The following MSH4 variants were observed in gnomAD, a reference collection of about 807,000 sequenced individuals.
The protein encoded by MSH4 is mutS homolog 4, also known as mutS protein homolog 4.
In MSH4, 106 loss-of-function variants were observed where a neutral mutation model predicts 113.7. That is an observed-to-expected ratio of 0.93 (90% CI 0.80 to 1.10). MSH4 has a LOEUF of 1.10. MSH4 is among the 50% of genes least tolerant of loss of function. The pLI is 0.00. For missense variants in MSH4, 1,061 were observed against 1,093.7 expected (o/e 0.97, Z 0.42); for synonymous variants, 368 against 380.2 (o/e 0.97, Z 0.37).
chr1:75,840,467 A>G (rs573655510), intron 7 of MSH4, among the ~76,000 whole-genome samples: 1 of 143,442 alleles, frequency 7.0e-6, no homozygotes, highest in South Asian at 2.3e-4. Flanking sequence ...GGAATTGAAC[A>G]ATGAGAACAC....
chr1:75,888,553 TATA>T (rs1358473355), intron 15 of MSH4, among the ~76,000 whole-genome samples: 8 of 152,024 alleles, frequency 5.3e-5, no homozygotes, highest in Non-Finnish European at 1.0e-4. Flanking sequence ...TATATCTTTT[TATA>T]ATGATTTTAT....
intron 7 of MSH4, among the ~76,000 whole-genome samples, chr1:75,846,609 T>A (rs1465771037): frequency 6.6e-6 from 1 of 152,248 alleles, no homozygotes; most frequent in Non-Finnish European, 1.5e-5. Flanking sequence ...CAGTTCCACC[T>A]GAGTCCTCAT....
intron 8 of MSH4, among the ~76,000 whole-genome samples, chr1:75,865,361 C>A (rs1295834586): frequency 6.6e-6 from 1 of 152,050 alleles, no homozygotes; most frequent in Non-Finnish European, 1.5e-5. Context: ...TTTACCTACT[C>A]TAATATCTTG....
intron 7 of MSH4, among the ~76,000 whole-genome samples, chr1:75,847,978 G>T (rs1651109335): frequency 6.6e-6 from 1 of 152,122 alleles, no homozygotes; most frequent in Non-Finnish European, 1.5e-5. Context: ...CATAGCAGAA[G>T]GGATGGTTAG....
chr1:75,855,187 G>A (rs1651289760), intron 8 of MSH4, among the ~76,000 whole-genome samples: 1 of 152,038 alleles, frequency 6.6e-6, no homozygotes, highest in Non-Finnish European at 1.5e-5. Context: ...ACAGGCATGC[G>A]CTACCACACC....
chr1:75,874,984 C>T (rs1444623066), intron 9 of MSH4, among the ~76,000 whole-genome samples: 1 of 152,124 alleles, frequency 6.6e-6, no homozygotes, highest in Non-Finnish European at 1.5e-5. Context: ...CGTTTGCCTC[C>T]CAGGCTCAAG....
chr1:75,866,816 A>C (rs1490043504), intron 8 of MSH4, among the ~76,000 whole-genome samples: 3 of 151,516 alleles, frequency 2.0e-5, no homozygotes, highest in African/African-American at 7.3e-5. Context: ...CCCCATCTCT[A>C]TTAAAAAAAA....
At chr1:75,889,428 T>C (rs1652201836) in intron 16 of MSH4, 59 bp downstream of exon 16, 1 of 707,964 alleles carries the variant, frequency 1.4e-6, no homozygotes, top group East Asian at 2.9e-5. Flanking sequence ...TAATGGCCAG[T>C]TATCACATAA....
At position 75,796,966 on chromosome 1, in the gene MSH4, G is replaced by A. The variant is rs201820108; in HGVS notation, c.-20G>A. On this transcript the variant is annotated 5_prime_UTR_variant, in exon 1 of 20. Transcript: ENST00000263187. ...CGCTCAGAAACCTCATACTTCTCGGGTCAGGGAAGGTTTGGGAGGATGCTG... is the reference window on the plus strand; with the variant it reads ...CGCTCAGAAACCTCATACTTCTCGGATCAGGGAAGGTTTGGGAGGATGCTG... 7.4e-6 allele frequency: 12 copies of A among 1,613,500 alleles called. No individual in the cohort carries two copies. The East Asian group carries it at 2.5e-4, about 33-fold the overall frequency.
At chr1:75,886,614 TAATATATA>T (rs371106961) in intron 15 of MSH4, among the ~76,000 whole-genome samples, 31,430 of 118,088 alleles carry the variant, frequency 0.27, 5,363 homozygotes, top group African/African-American at 0.31. Context: ...ATATAATGTA[TAATATATA>T]AATATATAAA....
At chr1:75,823,892 T>C (rs1650486521) in intron 7 of MSH4, among the ~76,000 whole-genome samples, 2 of 152,210 alleles carry the variant, frequency 1.3e-5, no homozygotes, top group Non-Finnish European at 2.9e-5. Context: ...GGCATTTGGG[T>C]TGGTTCCAAG....
chr1:75,849,328 A>T (rs1206418721), intron 8 of MSH4, among the ~76,000 whole-genome samples: 1 of 152,226 alleles, frequency 6.6e-6, no homozygotes, highest in East Asian at 1.9e-4. Context: ...TCTGCAAAGA[A>T]AGTAATAATA....
chr1:75,814,067 A>G (rs1276070664), intron 4 of MSH4, among the ~76,000 whole-genome samples: 1 of 152,114 alleles, frequency 6.6e-6, no homozygotes, highest in Non-Finnish European at 1.5e-5. Flanking sequence ...CAGCGCTTAC[A>G]TAGTCTATTG....
intron 15 of MSH4, among the ~76,000 whole-genome samples, chr1:75,886,533 ATAT>A (rs200743089): frequency 0.27 from 31,725 of 117,006 alleles, 6,233 homozygotes; most frequent in East Asian, 0.73. Flanking sequence ...TGTATTATAT[ATAT>A]TATTATCTAT....
chr1:75,878,363 C>A, intron 11 of MSH4, 45 bp downstream of exon 11: 1 of 1,436,524 alleles, frequency 7.0e-7, no homozygotes, highest in South Asian at 1.4e-5. Flanking sequence ...ATAAAACAGC[C>A]TTTTCAGGAC....
At chr1:75,836,098 C>A (rs550557951) in intron 7 of MSH4, among the ~76,000 whole-genome samples, 5 of 152,218 alleles carry the variant, frequency 3.3e-5, no homozygotes, top group Admixed American at 1.3e-4. Context: ...ATATGAAAGC[C>A]TAGCTCTTTC....
chr1:75,850,565 C>T (rs1651162733), intron 8 of MSH4, among the ~76,000 whole-genome samples: 1 of 151,828 alleles, frequency 6.6e-6, no homozygotes, highest in Non-Finnish European at 1.5e-5. Flanking sequence ...TTTTTTATGG[C>T]CCAAAATAGA....
intron 8 of MSH4, among the ~76,000 whole-genome samples, chr1:75,864,086 A>T (rs1173418415): frequency 6.6e-6 from 1 of 152,172 alleles, no homozygotes; most frequent in Non-Finnish European, 1.5e-5. Context: ...GACTTGATCT[A>T]TTAAAAACTT....
intron 14 of MSH4, among the ~76,000 whole-genome samples, chr1:75,882,459 C>T (rs192680882): frequency 9.9e-5 from 15 of 151,994 alleles, no homozygotes; most frequent in Admixed American, 7.2e-4. Flanking sequence ...CCATAGAGAC[C>T]TGATCCTTAT....
Sources: gnomAD v4.1 joint callset for allele counts (sites outside exome capture counted in the v4.1 genomes callset) on GRCh38, gnomAD v4.1.1 for gene constraint, MANE v1.5 for transcripts, NCBI Gene and HGNC (gene_info 2026-07-23, HGNC 2026-07-21) for gene names.